Variants in OR2L13 observed in about 807,000 individuals in gnomAD.
OR2L13 encodes the protein olfactory receptor family 2 subfamily L member 13, also known as olfactory receptor 2L13.
OR2L13 carries 14 observed loss-of-function variants against 15.3 expected under a neutral mutation model. The observed-to-expected ratio is 0.91, with a 90% confidence interval of 0.60 to 1.43. The LOEUF is 1.43. Among genes scored for constraint, OR2L13 ranks in the 40% most tolerant of loss-of-function variants. OR2L13 has a pLI of 0.00. For synonymous variants in OR2L13, 152 were observed against 142.9 expected (o/e 1.06, Z -0.45); for missense variants, 367 against 387.9 (o/e 0.95, Z 0.45).
chr1:248,089,931 A>T, the OR2L13 span, among the ~76,000 whole-genome samples: 1 of 152,156 alleles, frequency 6.6e-6, no homozygotes, highest in African/African-American at 2.4e-5. Flanking sequence ...TCTCCCTATG[A>T]TGTGTGGGCC....
At chr1:247,973,256 T>C in the OR2L13 span, among the ~76,000 whole-genome samples, 4 of 152,024 alleles carry the variant, frequency 2.6e-5, no homozygotes, top group East Asian at 3.9e-4. Flanking sequence ...CTGGGCAACA[T>C]AGTATTGGAA....
chr1:248,045,326 A>G, the OR2L13 span, among the ~76,000 whole-genome samples: 1 of 152,168 alleles, frequency 6.6e-6, no homozygotes, highest in African/African-American at 2.4e-5. Flanking sequence ...TCTACTGTAG[A>G]TATGTGAAAT....
At chr1:248,079,149 T>A in the OR2L13 span, among the ~76,000 whole-genome samples, 3 of 152,306 alleles carry the variant, frequency 2.0e-5, no homozygotes, top group African/African-American at 7.2e-5. Context: ...TGGTGAAATT[T>A]GAATGAGTTA....
At chr1:247,992,869 TTGTGTG>T in the OR2L13 span, among the ~76,000 whole-genome samples, 3 of 151,194 alleles carry the variant, frequency 2.0e-5, no homozygotes, top group Non-Finnish European at 4.4e-5. Context: ...TAGAATGATT[TTGTGTG>T]TGTGTGTGTG....
the OR2L13 span, among the ~76,000 whole-genome samples, chr1:247,981,204 GC>G: frequency 6.6e-6 from 1 of 152,106 alleles, no homozygotes; most frequent in Non-Finnish European, 1.5e-5. Flanking sequence ...ATTAGAATAT[GC>G]TTTTATGGGC....
At chr1:248,032,323 G>A in the OR2L13 span, among the ~76,000 whole-genome samples, 8,173 of 151,814 alleles carry the variant, frequency 0.054, 693 homozygotes, top group African/African-American at 0.18. Context: ...TTTCATACAT[G>A]AGATAATACA....
At chr1:248,038,853 A>G in the OR2L13 span, 1 of 1,614,158 alleles carries the variant, frequency 6.2e-7, no homozygotes, top group Non-Finnish European at 8.5e-7. Flanking sequence ...GGTCTATGAG[A>G]GCACAGTGTT....
the OR2L13 span, among the ~76,000 whole-genome samples, chr1:247,996,412 A>G: frequency 1.3e-5 from 2 of 152,374 alleles, no homozygotes; most frequent in Admixed American, 6.5e-5. Flanking sequence ...AATGCACTGA[A>G]CACAGACATC....
the OR2L13 span, among the ~76,000 whole-genome samples, chr1:248,072,114 T>C: frequency 3.3e-5 from 5 of 151,656 alleles, no homozygotes; most frequent in African/African-American, 1.2e-4. Context: ...CTTCACAGAA[T>C]TGGAAAAAAC....
At chr1:248,051,701 A>C in the OR2L13 span, among the ~76,000 whole-genome samples, 1 of 152,168 alleles carries the variant, frequency 6.6e-6, no homozygotes, top group Non-Finnish European at 1.5e-5. Flanking sequence ...ATATCCATGT[A>C]ACAAACCACG....
chr1:247,961,289 A>G, the OR2L13 span, among the ~76,000 whole-genome samples: 1 of 152,192 alleles, frequency 6.6e-6, no homozygotes, highest in African/African-American at 2.4e-5. Context: ...TGTCAGGTCA[A>G]GTAACCTCAA....
At chr1:248,093,047 T>C (rs1462906637), upstream of OR2L13, among the ~76,000 whole-genome samples, 2 of 152,162 alleles carry the variant, frequency 1.3e-5, no homozygotes. Flanking sequence ...GGTCATTTCA[T>C]ACGCTGTCAC....
chr1:248,092,636 A>G (rs1430316443), upstream of OR2L13, among the ~76,000 whole-genome samples: 1 of 152,234 alleles, frequency 6.6e-6, no homozygotes, highest in Admixed American at 6.5e-5. Context: ...TCTTCTTAGA[A>G]GGGTTACACT....
chr1:247,957,035 G>T, the OR2L13 span, among the ~76,000 whole-genome samples: 1 of 152,182 alleles, frequency 6.6e-6, no homozygotes, highest in Non-Finnish European at 1.5e-5. Context: ...TTTTCAAAGA[G>T]AATGCTTCCA....
chr1:248,010,076 G>C, the OR2L13 span, among the ~76,000 whole-genome samples: 1 of 152,150 alleles, frequency 6.6e-6, no homozygotes, highest in Non-Finnish European at 1.5e-5. Context: ...ATGGGCAAAA[G>C]CTGGAAGCAT....
At chr1:247,959,053 T>G in the OR2L13 span, among the ~76,000 whole-genome samples, 1 of 152,236 alleles carries the variant, frequency 6.6e-6, no homozygotes, top group Non-Finnish European at 1.5e-5. Flanking sequence ...GTCTTTACAA[T>G]TTGGCATGAT....
At chr1:247,980,813 A>G in the OR2L13 span, 246 of 152,244 alleles carry the variant, frequency 1.6e-3, 4 homozygotes, top group Admixed American at 0.016. Flanking sequence ...AAATGAATAC[A>G]TACCTTTCTT....
chr1:247,962,015 T>C, the OR2L13 span, among the ~76,000 whole-genome samples: 3 of 152,202 alleles, frequency 2.0e-5, no homozygotes, highest in African/African-American at 7.2e-5. Flanking sequence ...CTGCTTCCAG[T>C]GTGATCATAT....
the OR2L13 span, among the ~76,000 whole-genome samples, chr1:247,967,066 C>T: frequency 5.3e-5 from 8 of 151,876 alleles, no homozygotes; most frequent in East Asian, 1.9e-4. Context: ...CACACACACA[C>T]GAGGTGCACA....
Sources: allele counts gnomAD v4.1 joint callset (sites outside exome capture counted in the v4.1 genomes callset), GRCh38; gene constraint gnomAD v4.1.1; transcripts MANE v1.5; gene names NCBI Gene and HGNC (gene_info 2026-07-23, HGNC 2026-07-21).